The following ATXN7L1 variants were observed in gnomAD, a reference collection of about 807,000 sequenced individuals.
The protein encoded by ATXN7L1 is ataxin 7 like 1, also known as ataxin-7-like protein 1.
ATXN7L1 carries 15 observed loss-of-function variants against 70.8 expected under a neutral mutation model. The ratio of observed to expected loss-of-function variants is 0.21; its 90% CI spans 0.14 to 0.33. The LOEUF is 0.33. ATXN7L1 is among the 10% of genes least tolerant of loss of function. ATXN7L1 has a pLI of 1.00. For missense variants in ATXN7L1, 975 were observed against 1,097.1 expected, an observed-to-expected ratio of 0.89 and a Z score of 1.57; for synonymous variants, 440 against 445.1, an observed-to-expected ratio of 0.99 and a Z score of 0.14.
At chr7:105,684,315 T>C (rs1325072680) in intron 3 of ATXN7L1, among the ~76,000 whole-genome samples, 1 of 152,240 alleles carries the variant, frequency 6.6e-6, no homozygotes, top group African/African-American at 2.4e-5. Context: ...CACCCTGAGA[T>C]GACTTCTTAA....
intron 3 of ATXN7L1, among the ~76,000 whole-genome samples, chr7:105,782,702 G>A (rs1442862151): frequency 1.3e-5 from 2 of 152,228 alleles, no homozygotes; most frequent in Admixed American, 6.5e-5. Flanking sequence ...GAGCTTCACG[G>A]CATTTCTAAA....
chr7:105,713,227 T>C (rs1794141456), intron 3 of ATXN7L1, among the ~76,000 whole-genome samples: 1 of 152,166 alleles, frequency 6.6e-6, no homozygotes, highest in African/African-American at 2.4e-5. Context: ...AAGCCCCTCC[T>C]CCAATTTGAC....
At chr7:105,672,493 TCGTA>T (rs1220615203) in intron 3 of ATXN7L1, among the ~76,000 whole-genome samples, 1 of 152,262 alleles carries the variant, frequency 6.6e-6, no homozygotes, top group African/African-American at 2.4e-5. Context: ...TTAGCTATTC[TCGTA>T]CTGTCGACCT....
At chr7:105,643,430 A>C (rs1285091344) in intron 4 of ATXN7L1, among the ~76,000 whole-genome samples, 1 of 152,178 alleles carries the variant, frequency 6.6e-6, no homozygotes, top group Non-Finnish European at 1.5e-5. Context: ...GCCATTTCCA[A>C]CACAGCACCT....
At chr7:105,853,934 C>T (rs929116085) in intron 2 of ATXN7L1, among the ~76,000 whole-genome samples, 1 of 152,152 alleles carries the variant, frequency 6.6e-6, no homozygotes. Context: ...AGGAGCAGCA[C>T]CTCATTTCCC....
intron 3 of ATXN7L1, chr7:105,761,581 A>G: frequency 7.5e-7 from 1 of 1,332,576 alleles, no homozygotes; most frequent in Non-Finnish European, 1.0e-6. Flanking sequence ...TAAATTAAAC[A>G]CTGGTTGCTT....
At chr7:105,785,379 T>G (rs1804141861) in intron 3 of ATXN7L1, among the ~76,000 whole-genome samples, 1 of 152,156 alleles carries the variant, frequency 6.6e-6, no homozygotes, top group Admixed American at 6.5e-5. Flanking sequence ...GGCCGGAGAA[T>G]TTTTTGAACT....
rs556048408 is a variant in ATXN7L1 at position 105,740,784 on chromosome 7, T to TTTTTTTTTTTTTTTG, written c.355+47819_355+47820insCAAAAAAAAAAAAAA. Among the ~76,000 whole-genome samples, 25 of 77,922 alleles carry TTTTTTTTTTTTTTTG rather than the reference T, an allele frequency of 3.2e-4. 4 individuals are homozygous for TTTTTTTTTTTTTTTG. In the East Asian group the frequency reaches 6.0e-3, roughly 19 times the overall value. 51.1% of individuals were successfully genotyped at this position (77,922 alleles called of 152,430 possible). Reference sequence around the variant, plus strand: ...GGCTCCATTCATTTTTTTTTTTTTTTAATGGAGTCTCACTCTGTCGCCCAG... The same window carrying TTTTTTTTTTTTTTTG: ...GGCTCCATTCATTTTTTTTTTTTTTTTTTTTTTTTTTTTTGAATGGAGTCTCACTCTGTCGCCCAG... On this transcript the variant is annotated intron_variant, in intron 3 of 11. Transcript: ENST00000419735.
At chr7:105,865,396 C>T (rs1256622768) in intron 2 of ATXN7L1, among the ~76,000 whole-genome samples, 1 of 149,964 alleles carries the variant, frequency 6.7e-6, no homozygotes, top group African/African-American at 2.4e-5. Flanking sequence ...TAAAATTTAC[C>T]ATTTTAACTT....
chr7:105,666,447 G>T (rs1011373099), intron 3 of ATXN7L1, among the ~76,000 whole-genome samples: 2 of 152,222 alleles, frequency 1.3e-5, no homozygotes, highest in African/African-American at 4.8e-5. Flanking sequence ...CTGAGCCTAG[G>T]CTTCTCTCAT....
intron 2 of ATXN7L1, among the ~76,000 whole-genome samples, chr7:105,796,326 T>G (rs2116503995): frequency 6.6e-6 from 1 of 152,300 alleles, no homozygotes; most frequent in South Asian, 2.1e-4. Flanking sequence ...CGCGCCACTG[T>G]AATCCAGCCT....
At chr7:105,661,167 T>C (rs910584143) in intron 4 of ATXN7L1, among the ~76,000 whole-genome samples, 1 of 152,172 alleles carries the variant, frequency 6.6e-6, no homozygotes, top group Non-Finnish European at 1.5e-5. Context: ...ATCCAGACTG[T>C]TTTCTAATTT....
chr7:105,812,710 C>T (rs78062032), intron 2 of ATXN7L1, among the ~76,000 whole-genome samples: 1 of 152,166 alleles, frequency 6.6e-6, no homozygotes, highest in Non-Finnish European at 1.5e-5. Flanking sequence ...CAGTGATAAA[C>T]AAAGATCTAG....
At chr7:105,724,552 C>A (rs962899286) in intron 3 of ATXN7L1, among the ~76,000 whole-genome samples, 79 of 124,556 alleles carry the variant, frequency 6.3e-4, no homozygotes, top group Non-Finnish European at 1.4e-4. Context: ...CCAGCCTGGA[C>A]GACAGAGCAA....
intron 3 of ATXN7L1, among the ~76,000 whole-genome samples, chr7:105,786,681 G>T (rs1024084055): frequency 1.3e-5 from 2 of 151,198 alleles, no homozygotes; most frequent in East Asian, 4.0e-4. Context: ...ACCACACCTG[G>T]CTAAATTTTT....
chr7:105,874,751 T>C (rs1015803911), intron 2 of ATXN7L1, among the ~76,000 whole-genome samples: 3 of 152,252 alleles, frequency 2.0e-5, no homozygotes, highest in Admixed American at 2.0e-4. Flanking sequence ...TGTTGATTCA[T>C]AAAATGAGTT....
chr7:105,768,972 G>A (rs984056625), intron 3 of ATXN7L1, among the ~76,000 whole-genome samples: 2 of 152,112 alleles, frequency 1.3e-5, no homozygotes, highest in African/African-American at 2.4e-5. Context: ...CCCCCCCTGG[G>A]GTCTCTATCC....
intron 9 of ATXN7L1, among the ~76,000 whole-genome samples, chr7:105,615,877 T>C (rs1048356739): frequency 3.9e-5 from 6 of 152,142 alleles, no homozygotes; most frequent in Non-Finnish European, 8.8e-5. Flanking sequence ...TCTTGGGGCC[T>C]CCCTGCAAAC....
intron 2 of ATXN7L1, among the ~76,000 whole-genome samples, chr7:105,818,908 T>A (rs1238695744): frequency 6.9e-6 from 1 of 145,490 alleles, no homozygotes; most frequent in Non-Finnish European, 1.5e-5. Flanking sequence ...TTTTTTTTTT[T>A]AAGTTCTAGG....
Sources: allele counts gnomAD v4.1 joint callset (sites outside exome capture counted in the v4.1 genomes callset), GRCh38; gene constraint gnomAD v4.1.1; transcripts MANE v1.5; gene names NCBI Gene and HGNC (gene_info 2026-07-23, HGNC 2026-07-21).